The following CLU variants were observed in gnomAD, a reference collection of about 807,000 sequenced individuals.
CLU encodes the protein aging-associated protein 4.
Under a neutral mutation model 46.4 loss-of-function variants are expected in CLU, and 25 were observed. The ratio of observed to expected loss-of-function variants is 0.54; its 90% CI spans 0.39 to 0.75. CLU has a LOEUF of 0.75. Among genes scored for constraint, CLU ranks in the 30% least tolerant of loss-of-function variants. The pLI is 0.00. For synonymous variants in CLU, 235 were observed against 235.1 expected, an observed-to-expected ratio of 1.00 and a Z score of 0.00; for missense variants, 504 against 592.1, an observed-to-expected ratio of 0.85 and a Z score of 1.54.
At chr8:27,613,557 G>A (rs1031118315) in intron 1 of CLU, 1 of 152,110 alleles carries the variant, frequency 6.6e-6, no homozygotes, top group African/African-American at 2.4e-5. Flanking sequence ...AAACCAAAAG[G>A]AAAATAAGAA....
Position 27,599,895 on chromosome 8 carries a change from C to T in CLU, c.1049G>A (p.Trp350Ter). The part of the protein sequence containing the change: ...KYNELLKSYQ[W>*]KMLNTSSLLE... ...CAAGGAGGAGGTGTTGAGCATCTTC[C>T]ACTGGTAGGACTTTAGCAGCTCGTT... The change falls in exon 7 of 9, where the codon TGG becomes TAG. Residue 350 changes from tryptophan to a stop codon, truncating the protein, a stop_gained. Transcript: ENST00000316403. LOFTEE classifies it high-confidence loss of function. This position sits in a 1 kb window ranked among gnomAD's most constrained non-coding sequence, Gnocchi z 4.0. 2 of 1,614,182 alleles carry T rather than the reference C, an allele frequency of 1.2e-6. No individual in the cohort carries two copies. The highest frequency in any genetic ancestry group is 1.7e-6 in the Non-Finnish European group (2 of 1,180,026).
chr8:27,606,886 A>G (rs979005080), intron 3 of CLU, among the ~76,000 whole-genome samples: 1 of 152,178 alleles, frequency 6.6e-6, no homozygotes, highest in African/African-American at 2.4e-5. Context: ...TTTAAATTTC[A>G]TCTTCCAAAG....
chr8:27,598,353 C>A lies in CLU; in HGVS notation c.1341-103G>T, dbSNP rs1057085278. ...TTTGTTCTTGGGCTCTGGCTCCGGG[C>A]GGAGTCGTTCCCACCAGGCTATAGA... is the stretch of plus-strand genomic sequence containing the variant. On this transcript the variant is annotated intron_variant, in intron 8 of 8. Coordinates refer to ENST00000316403, the MANE Select transcript of CLU (RefSeq NM_001831.4). The A allele has an allele frequency of 1.6e-5, 25 of 1,592,378 alleles. No homozygotes were observed. The South Asian group carries it at 2.3e-4, about 15-fold the overall frequency.
chr8:27,597,057 T>C lies in CLU; in HGVS notation c.*1184A>G. On this transcript the variant is annotated 3_prime_UTR_variant, in exon 9 of 9. Transcript: ENST00000316403. ...AATCACACTGACTTTACTCTGAATT[T>C]CCTTGACAGCCATGCTAAAATACTT... 2.2e-6 allele frequency: 1 copy of C among 454,150 alleles called. No homozygotes were observed. Among genetic ancestry groups the C allele is most frequent in the Non-Finnish European group, 4.4e-6 (1 of 226,796 alleles). 28.1% of individuals were successfully genotyped at this position (454,150 alleles called of 1,614,324 possible). A position where few individuals can be genotyped will look rare whatever the true frequency, so the allele number is the denominator to read the frequency against.
intron 1 of CLU, chr8:27,610,970 A>G (rs1447558725): frequency 5.5e-6 from 2 of 364,950 alleles, no homozygotes; most frequent in Non-Finnish European, 1.1e-5. Flanking sequence ...CGATCATGTC[A>G]GACACTGAAA....
Position 27,598,268 on chromosome 8 carries a change from TATCCTCCAAAGTAAAAC to T in CLU, c.1341-35_1341-19del, listed in dbSNP as rs747280736. 2 of 1,613,774 alleles carry T rather than the reference TATCCTCCAAAGTAAAAC, an allele frequency of 1.2e-6. No individual in the cohort carries two copies. Among genetic ancestry groups the T allele is most frequent in the Admixed American group, 1.7e-5 (1 of 59,992 alleles). ...ACTCCTCCCTGAAATAAAAAACAGT[TATCCTCCAAAGTAAAAC>T]ATCCTCCAAAGGAAAAATAAAATTC... is the stretch of plus-strand genomic sequence containing the variant. On this transcript the variant is annotated intron_variant, in intron 8 of 8. Transcript: ENST00000316403.
chr8:27,605,910 C>T lies in CLU; in HGVS notation c.417+444G>A, dbSNP rs575751725. Among the ~76,000 whole-genome samples the T allele has an allele frequency of 5.9e-5, 9 of 151,992 alleles. No homozygotes were observed. The South Asian group carries it at 8.3e-4, about 14-fold the overall frequency. On this transcript the variant is annotated intron_variant, in intron 4 of 8. Coordinates refer to ENST00000316403, the MANE Select transcript of CLU (RefSeq NM_001831.4). ...CAAAAATTAGCTGGGTGTGGTGGTA[C>T]GTGCCTGTAGTCCCAGCTACTTGGG...
Position 27,599,446 on chromosome 8 carries a change from G to A in CLU, c.1164+334C>T, listed in dbSNP as rs1800676311. Reference sequence around the variant, plus strand: ...CTTGTAGCTTTGAGAAAAGAACAGAGGCTTCTGGTTTATTCACAGATTTGT... The same window carrying A: ...CTTGTAGCTTTGAGAAAAGAACAGAAGCTTCTGGTTTATTCACAGATTTGT... On this transcript the variant is annotated intron_variant, in intron 7 of 8. Transcript: ENST00000316403. The surrounding 1 kb of genome is among the most constrained non-coding windows in gnomAD (Gnocchi z 4.0). The A allele has an allele frequency of 2.9e-6, 1 of 342,982 alleles. No homozygotes were observed. Among genetic ancestry groups the A allele is most frequent in the Non-Finnish European group, 5.5e-6 (1 of 180,366 alleles). 21.2% of individuals were successfully genotyped at this position (342,982 alleles called of 1,614,324 possible). A position where few individuals can be genotyped will look rare whatever the true frequency, so the allele number is the denominator to read the frequency against.
Position 27,605,073 on chromosome 8 carries a change from C to T in CLU, c.680G>A (p.Arg227His), listed in dbSNP as rs1172593465. 3.7e-6 allele frequency: 6 copies of T among 1,613,892 alleles called. No homozygotes were observed. Among genetic ancestry groups the T allele is most frequent in the East Asian group, 2.2e-5 (1 of 44,884 alleles). Residue 227 changes from arginine to histidine, a missense_variant, in exon 5 of 9, where the codon CGC becomes CAC. Transcript: ENST00000316403. ...GTACGGAGAGAAGGGCATCAAGCTG[C>T]GGACGATGCGGGACTTGGGAAAGAA... Reference protein sequence around the residue: ...HFFFPKSRIVRSLMPFSPYEP... With the variant: ...HFFFPKSRIVHSLMPFSPYEP...
intron 3 of CLU, among the ~76,000 whole-genome samples, chr8:27,607,212 C>G (rs1302342699): frequency 6.6e-6 from 1 of 152,134 alleles, no homozygotes; most frequent in East Asian, 1.9e-4. Flanking sequence ...TGGTGCACAC[C>G]TGCACTCCCA....
intron 7 of CLU, 31 bp from the exon 8 acceptor site, chr8:27,598,666 GA>G: frequency 6.2e-7 from 1 of 1,608,572 alleles, no homozygotes; most frequent in Non-Finnish European, 8.5e-7. Flanking sequence ...GGGAAGAGCT[GA>G]AACACTGTGG....
intron 6 of CLU, among the ~76,000 whole-genome samples, chr8:27,603,754 C>T (rs1442100996): frequency 3.9e-5 from 6 of 152,148 alleles, no homozygotes; most frequent in Non-Finnish European, 2.9e-5. Flanking sequence ...AAGCCCAGCT[C>T]GCCCATGTCG....
rs767422699 is a variant in CLU, at chr8:27,605,258, G to A, written c.495C>T (p.Asn165=). Residue 165 remains asparagine, a synonymous_variant, in exon 5 of 9, where the codon AAC becomes AAT. Transcript: ENST00000316403. ...NGDRIDSLLE[N]DRQQTHMLDV... ...CCAGCATGTGCGTCTGCTGCCGGTC[G>A]TTCTCCAGCAGGGAGTCGATGCGGT... 57 of 1,614,100 alleles carry A rather than the reference G, an allele frequency of 3.5e-5. No homozygotes were observed. The highest frequency in any genetic ancestry group is 4.3e-5 in the Non-Finnish European group (51 of 1,180,050).
intron 4 of CLU, 122 bp from the exon 5 acceptor site, chr8:27,605,457 G>T: frequency 1.0e-6 from 1 of 1,003,808 alleles, no homozygotes; most frequent in Non-Finnish European, 1.5e-6. Flanking sequence ...CACAGCAAGT[G>T]ACCAACAGCC....
chr8:27,608,198 A>G (rs972270760), intron 3 of CLU, among the ~76,000 whole-genome samples: 1 of 152,164 alleles, frequency 6.6e-6, no homozygotes, highest in African/African-American at 2.4e-5. Context: ...AAAAAAACAA[A>G]AACAAAAATG....
rs1169095621 is a variant in CLU, at chr8:27,597,650, C to T, written c.*591G>A. 1 of 454,156 alleles carries T rather than the reference C, an allele frequency of 2.2e-6. No homozygotes were observed. The highest frequency in any genetic ancestry group is 1.6e-5 in the South Asian group (1 of 64,474). 28.1% of individuals were successfully genotyped at this position (454,156 alleles called of 1,614,324 possible). A position where few individuals can be genotyped will look rare whatever the true frequency, so the allele number is the denominator to read the frequency against. ...TACACTTACTGATTCTTCTCCTTAA[C>T]TTTCAGTGTATTCCTTTAGGAGATT... On this transcript the variant is annotated 3_prime_UTR_variant, in exon 9 of 9. Transcript: ENST00000316403.
At chr8:27,598,744 GAAACCT>G in intron 7 of CLU, 109 bp from the exon 8 acceptor site, 1 of 1,017,212 alleles carries the variant, frequency 9.8e-7, no homozygotes, top group Non-Finnish European at 1.5e-6. Context: ...CTTCTCCAAG[GAAACCT>G]AGAGAGCTGA....
Position 27,598,614 on chromosome 8 carries a change from A to G in CLU, c.1186T>C (p.Ser396Pro). The part of the protein sequence containing the change: ...VTTVASHTSD[S>P]DVPSGVTEVV... Reference sequence around the variant, plus strand: ...TCAGTGACACCGGAAGGAACGTCCGAGTCAGAAGTGTGGGAAGCCACCTAA... The same window carrying G: ...TCAGTGACACCGGAAGGAACGTCCGGGTCAGAAGTGTGGGAAGCCACCTAA... The change falls in exon 8 of 9, where the codon TCG becomes CCG. Residue 396 changes from serine to proline, a missense_variant. By Grantham distance (74) the Ser-to-Pro change is moderately conservative. Coordinates refer to ENST00000316403, the MANE Select transcript of CLU (RefSeq NM_001831.4). 1 of 1,614,168 alleles carries G rather than the reference A, an allele frequency of 6.2e-7. No individual in the cohort carries two copies. The highest frequency in any genetic ancestry group is 2.2e-5 in the East Asian group (1 of 44,882).
chr8:27,598,805 C>T (rs1366043564), intron 7 of CLU, 170 bp from the exon 8 acceptor site: 4 of 658,462 alleles, frequency 6.1e-6, no homozygotes, highest in Non-Finnish European at 8.0e-6. Context: ...GCTCAGTGGA[C>T]AGAACGGACC....
Sources: allele counts gnomAD v4.1 joint callset (sites outside exome capture counted in the v4.1 genomes callset), GRCh38; gene constraint gnomAD v4.1.1; non-coding constraint Gnocchi (gnomAD v3.1); transcripts MANE v1.5; gene names NCBI Gene and HGNC (gene_info 2026-07-23, HGNC 2026-07-21).